NBEAL2: variants seen among roughly 807,000 people sequenced by gnomAD.
The protein encoded by NBEAL2 is neurobeachin like 2, also known as neurobeachin-like protein 2.
NBEAL2 carries 160 observed loss-of-function variants against 299.8 expected under a neutral mutation model. The ratio of observed to expected loss-of-function variants is 0.53; its 90% CI spans 0.47 to 0.61. NBEAL2 has a LOEUF of 0.61. Among genes scored for constraint, NBEAL2 ranks in the 20% least tolerant of loss-of-function variants. NBEAL2 has a pLI of 0.00. For missense variants in NBEAL2, 3,112 were observed against 3,649.0 expected (o/e 0.85, Z 3.79); for synonymous variants, 1,493 against 1,542.3 (o/e 0.97, Z 0.75).
Position 46,998,456 on chromosome 3 carries a change from C to G in NBEAL2, c.3119-7C>G, listed in dbSNP as rs370684446. Reference sequence around the variant, plus strand: ...GTGGCCTGAGCCCTCTGCTCATTCCCGCTCAGGTCACATCCAGTACATGTC... The same window carrying G: ...GTGGCCTGAGCCCTCTGCTCATTCCGGCTCAGGTCACATCCAGTACATGTC... On this transcript the variant is annotated splice_region_variant and splice_polypyrimidine_tract_variant and intron_variant, in intron 21 of 53. Transcript: ENST00000450053. The G allele has an allele frequency of 6.2e-7, 1 of 1,609,976 alleles. No homozygotes were observed. The highest frequency in any genetic ancestry group is 2.2e-5 in the East Asian group (1 of 44,740).
intron 10 of NBEAL2, 98 bp from the exon 11 acceptor site, chr3:46,993,839 C>T (rs1330361769): frequency 1.9e-6 from 2 of 1,057,510 alleles, no homozygotes; most frequent in African/African-American, 1.6e-5. Context: ...ATGCCACATG[C>T]CTTGGGGTGC....
Position 46,991,964 on chromosome 3 carries a change from TG to T in NBEAL2, c.1032+23del. 1 of 1,575,586 alleles carries T rather than the reference TG, an allele frequency of 6.3e-7. No individual in the cohort carries two copies. Among genetic ancestry groups the T allele is most frequent in the South Asian group, 1.2e-5 (1 of 86,154 alleles). ...ACAGCAAGGTGGGTAGGGCCCAGCCTGGGGGTGAGGGTCTGGAAGCCAGAGG... is the reference window on the plus strand; with the variant it reads ...ACAGCAAGGTGGGTAGGGCCCAGCCTGGGGTGAGGGTCTGGAAGCCAGAGG... On this transcript the variant is annotated intron_variant, in intron 9 of 53. Transcript: ENST00000450053. This position sits in a 1 kb window ranked among gnomAD's most constrained non-coding sequence, Gnocchi z 6.2.
At position 47,007,080 on chromosome 3, in the gene NBEAL2, T is replaced by G. The variant is rs2037498666; in HGVS notation, c.7149T>G (p.Gly2383=). The G allele has an allele frequency of 1.2e-6, 2 of 1,611,948 alleles. No individual in the cohort carries two copies. The highest frequency in any genetic ancestry group is 1.7e-6 in the Non-Finnish European group (2 of 1,178,886). ...TGCCCCTGCAGGTTGTCAGTGATGGTGTACCCCTGGTGCTAGCCCTGGTCC... is the reference window on the plus strand; with the variant it reads ...TGCCCCTGCAGGTTGTCAGTGATGGGGTACCCCTGGTGCTAGCCCTGGTCC... ...KAFFAEVVSD[G]VPLVLALVPH... Residue 2383 remains glycine (G), a synonymous_variant, in exon 46 of 54, where the codon GGT becomes GGG. Coordinates refer to ENST00000450053, the MANE Select transcript of NBEAL2 (RefSeq NM_015175.3).
At position 47,009,691 on chromosome 3, in the gene NBEAL2, C is replaced by G. The variant is rs117141426; in HGVS notation, c.*371C>G. 4 of 269,692 alleles carry G rather than the reference C, an allele frequency of 1.5e-5. No homozygotes were observed. The East Asian group carries it at 3.8e-4, about 26-fold the overall frequency. 16.7% of individuals were successfully genotyped at this position (269,692 alleles called of 1,614,324 possible). On this transcript the variant is annotated 3_prime_UTR_variant, in exon 54 of 54. Coordinates refer to ENST00000450053, the MANE Select transcript of NBEAL2 (RefSeq NM_015175.3). ...CTCCCTTCTCGGCAATAAACCAGGC[C>G]TAGTTTTGTAGCTGCTCCGTCTCCG...
In NBEAL2 at chr3:47,004,225, A is replaced by C; in HGVS notation, c.6030A>C (p.Pro2010=). 1.2e-6 allele frequency: 2 copies of C among 1,613,728 alleles called. No individual in the cohort carries two copies. Among genetic ancestry groups the C allele is most frequent in the Non-Finnish European group, 1.7e-6 (2 of 1,179,800 alleles). Residue 2010 remains proline (P), a synonymous_variant, in exon 37 of 54, where the codon CCA becomes CCC. Coordinates refer to ENST00000450053, the MANE Select transcript of NBEAL2 (RefSeq NM_015175.3). This position sits in a 1 kb window ranked among gnomAD's most constrained non-coding sequence, Gnocchi z 5.0. ...TCCCATGCAAGGTGGGCACGACCCCAGTCTCATCTCCTAGCCAGACTCCCA... is the reference window on the plus strand; with the variant it reads ...TCCCATGCAAGGTGGGCACGACCCCCGTCTCATCTCCTAGCCAGACTCCCA... ...LNFPCKVGTT[P]VSSPSQTPRP...
intron 52 of NBEAL2, 138 bp from the exon 53 acceptor site, chr3:47,008,851 A>G (rs2037661150): frequency 6.9e-7 from 1 of 1,452,584 alleles, no homozygotes; most frequent in Non-Finnish European, 9.3e-7. Flanking sequence ...CAGTTGTGGG[A>G]GATTTCTTTG....
Position 47,002,527 on chromosome 3 carries a change from C to T in NBEAL2, c.5301+7C>T. On this transcript the variant is annotated splice_region_variant and intron_variant, in intron 32 of 53. Coordinates refer to ENST00000450053, the MANE Select transcript of NBEAL2 (RefSeq NM_015175.3). The stretch of plus-strand genomic sequence containing the variant: ...GAGTCGTCGGGCCTTCCAGGTGTGC[C>T]ACCCGGGGTAAGGGATGGGAAACTG... 6.2e-7 allele frequency: 1 copy of T among 1,612,138 alleles called. No individual in the cohort carries two copies. The highest frequency in any genetic ancestry group is 8.5e-7 in the Non-Finnish European group (1 of 1,179,508).
rs2036680040 is a variant in NBEAL2 at position 46,998,490 on chromosome 3, T to C, written c.3146T>C (p.Val1049Ala). 3 of 1,613,328 alleles carry C rather than the reference T, an allele frequency of 1.9e-6. No individual in the cohort carries two copies. Among genetic ancestry groups the C allele is most frequent in the Non-Finnish European group, 2.5e-6 (3 of 1,179,738 alleles). The change falls in exon 22 of 54, where the codon GTT (valine) becomes GCT (alanine). Residue 1049 changes from valine to alanine, a missense_variant. Val to Ala is a moderately conservative substitution (Grantham distance 64). Coordinates refer to ENST00000450053, the MANE Select transcript of NBEAL2 (RefSeq NM_015175.3). ...LGHIQYMSSI[V>A]REHRQKLRKK... ...CACATCCAGTACATGTCCAGCATAG[T>C]TCGGGAGCACAGACAGAAGCTGCGG...
Position 47,006,412 on chromosome 3 carries a change from T to C in NBEAL2, c.7097T>C (p.Phe2366Ser), listed in dbSNP as rs930801370. 2 of 1,593,848 alleles carry C rather than the reference T, an allele frequency of 1.3e-6. No individual in the cohort carries two copies. The highest frequency in any genetic ancestry group is 1.7e-6 in the Non-Finnish European group (2 of 1,170,122). ...CTGGACACTAACTCACCTAGCATCTTCCAGCACCTGGACGAACTCAAGGCA... is the reference window on the plus strand; with the variant it reads ...CTGGACACTAACTCACCTAGCATCTCCCAGCACCTGGACGAACTCAAGGCA... ...ARLDTNSPSI[F>S]QHLDELKAFF... Residue 2366 changes from phenylalanine to serine, a missense_variant, in exon 45 of 54, where the codon TTC becomes TCC. By Grantham distance (155) the Phe-to-Ser change is radical. Transcript: ENST00000450053.
In NBEAL2 at chr3:47,004,042, T is replaced by C. The variant is rs774309523; in HGVS notation, c.5882-35T>C. On this transcript the variant is annotated intron_variant, in intron 36 of 53. Coordinates refer to ENST00000450053, the MANE Select transcript of NBEAL2 (RefSeq NM_015175.3). This position sits in a 1 kb window ranked among gnomAD's most constrained non-coding sequence, Gnocchi z 5.0. The stretch of plus-strand genomic sequence containing the variant: ...GGCTGAGCTCTGGGTGGGGCTGGGG[T>C]GAGTGACTCCCGTACCTGCTGTTCC... 5 of 1,605,066 alleles carry C rather than the reference T, an allele frequency of 3.1e-6. No individual in the cohort carries two copies. The highest frequency in any genetic ancestry group is 3.4e-6 in the Non-Finnish European group (4 of 1,173,838).
chr3:46,991,503 T>C lies in NBEAL2; in HGVS notation c.740T>C (p.Val247Ala). The C allele has an allele frequency of 6.2e-7, 1 of 1,611,956 alleles. No homozygotes were observed. Among genetic ancestry groups the C allele is most frequent in the Non-Finnish European group, 8.5e-7 (1 of 1,179,864 alleles). ...SRGPAPDPCL[V>A]PLALEALVGA... ...GGGCCAGCCCCGGACCCGTGCCTAG[T>C]GCCACTGGCTCTAGAGGCACTGGTA... Residue 247 changes from valine to alanine, a missense_variant, in exon 8 of 54, where the codon GTG becomes GCG. By Grantham distance (64) the Val-to-Ala change is moderately conservative. Around this residue, in one of 3 missense-constraint regions of NBEAL2, gnomAD observed 2,243 missense variants for 2,538.1 expected, o/e 0.88. Coordinates refer to ENST00000450053, the MANE Select transcript of NBEAL2 (RefSeq NM_015175.3). The surrounding 1 kb of genome is among the most constrained non-coding windows in gnomAD (Gnocchi z 6.2).
At chr3:46,983,814 C>T (rs1383837209) in intron 1 of NBEAL2, among the ~76,000 whole-genome samples, 2 of 151,970 alleles carry the variant, frequency 1.3e-5, no homozygotes, top group Non-Finnish European at 2.9e-5. Flanking sequence ...AACTGGGGAG[C>T]TGATGGGGAA....
rs1373167824 is a variant in NBEAL2 at position 47,008,910 on chromosome 3, T to C, written c.8028-79T>C. The stretch of plus-strand genomic sequence containing the variant: ...ATCCTTAAAATGAGGACAGAGAGGG[T>C]ATATGGGATAAGGGATATCTGCTGG... On this transcript the variant is annotated intron_variant, in intron 52 of 53. Transcript: ENST00000450053. 6 of 1,560,906 alleles carry C rather than the reference T, an allele frequency of 3.8e-6. No homozygotes were observed. In the African/African-American group the frequency reaches 8.1e-5, roughly 21 times the overall value.
intron 1 of NBEAL2, among the ~76,000 whole-genome samples, chr3:46,983,072 C>T (rs1057496464): frequency 6.6e-6 from 1 of 152,124 alleles, no homozygotes; most frequent in Non-Finnish European, 1.5e-5. Context: ...GAAGGGCACT[C>T]AGGGTCACAA....
rs1470100657 is a variant in NBEAL2 at position 46,989,361 on chromosome 3, C to T, written c.453C>T (p.Thr151=). 2.5e-6 allele frequency: 4 copies of T among 1,581,070 alleles called. No homozygotes were observed. The highest frequency in any genetic ancestry group is 2.6e-6 in the Non-Finnish European group (3 of 1,163,744). Residue 151 remains threonine (T), a synonymous_variant, in exon 5 of 54, where the codon ACC becomes ACT. Transcript: ENST00000450053. This position sits in a 1 kb window ranked among gnomAD's most constrained non-coding sequence, Gnocchi z 5.5. The part of the protein sequence containing the change: ...LCEGLFDPYQ[T]WRRQRSGEVI... ...AGGGCCTCTTTGACCCTTACCAAACCTGGCGGCGCCAGCGCAGTGGGTGAG... is the reference window on the plus strand; with the variant it reads ...AGGGCCTCTTTGACCCTTACCAAACTTGGCGGCGCCAGCGCAGTGGGTGAG...
chr3:46,979,909 G>A lies in NBEAL2; in HGVS notation c.48G>A (p.Ala16=). 2.3e-6 allele frequency: 1 copy of A among 427,106 alleles called. No homozygotes were observed. Among genetic ancestry groups the A allele is most frequent in the Non-Finnish European group, 4.2e-6 (1 of 236,640 alleles). The allele number at this position is 427,106 out of a possible 1,614,324, so 26.5% of individuals were successfully genotyped here. Residue 16 remains alanine (A), a synonymous_variant, in exon 1 of 54, where the codon GCG becomes GCA. Coordinates refer to ENST00000450053, the MANE Select transcript of NBEAL2 (RefSeq NM_015175.3). The part of the protein sequence containing the change: ...RLYELWLLYY[A]QKDLGYLQQW... ...ACGAGTTGTGGCTGCTCTACTACGCGCAGGTGAGCCCGCCCCGCCCCGCGC... is the reference window on the plus strand; with the variant it reads ...ACGAGTTGTGGCTGCTCTACTACGCACAGGTGAGCCCGCCCCGCCCCGCGC...
In NBEAL2 at chr3:46,996,337, A is replaced by G; in HGVS notation, c.2218A>G (p.Thr740Ala). ...RTTTTTTGLP[T>A]PPVPATLAYT... Reference sequence around the variant, plus strand: ...AACGACCACCACCACAGGGCTGCCCACACCACCAGTCCCCGCCACCCTGGC... The same window carrying G: ...AACGACCACCACCACAGGGCTGCCCGCACCACCAGTCCCCGCCACCCTGGC... Residue 740 changes from threonine to alanine, a missense_variant, in exon 16 of 54, where the codon ACA becomes GCA. Thr to Ala is a moderately conservative substitution (Grantham distance 58). Transcript: ENST00000450053. The G allele has an allele frequency of 6.2e-7, 1 of 1,611,942 alleles. No individual in the cohort carries two copies. Among genetic ancestry groups the G allele is most frequent in the South Asian group, 1.1e-5 (1 of 91,080 alleles).
Position 46,991,452 on chromosome 3 carries a change from T to C in NBEAL2, c.689T>C (p.Leu230Pro). Residue 230 changes from leucine (L) to proline (P), a missense_variant, in exon 8 of 54, where the codon CTG (leucine) becomes CCG (proline). By Grantham distance (98) the Leu-to-Pro change is moderately conservative. Transcript: ENST00000450053. This position sits in a 1 kb window ranked among gnomAD's most constrained non-coding sequence, Gnocchi z 6.2. ...AVSDGSVKGLLSVVRGWSRGP... is the reference protein window; with the variant it reads ...AVSDGSVKGLPSVVRGWSRGP... ...AGTGATGGCTCTGTGAAGGGCCTGC[T>C]GAGTGTGGTGCGGGGCTGGAGCCGT... 6.2e-7 allele frequency: 1 copy of C among 1,611,792 alleles called. No individual in the cohort carries two copies. Among genetic ancestry groups the C allele is most frequent in the Non-Finnish European group, 8.5e-7 (1 of 1,178,980 alleles).
intron 16 of NBEAL2, 44 bp from the exon 17 acceptor site, chr3:46,996,707 G>A (rs2036528383): frequency 6.3e-7 from 1 of 1,593,140 alleles, no homozygotes; most frequent in African/African-American, 1.3e-5. Flanking sequence ...ATGGGGTTTG[G>A]CCAGAGGCCT....
Sources: allele counts gnomAD v4.1 joint callset (sites outside exome capture counted in the v4.1 genomes callset), GRCh38; gene constraint gnomAD v4.1.1; regional missense constraint gnomAD v4.1.1; non-coding constraint Gnocchi (gnomAD v3.1); transcripts MANE v1.5; gene names NCBI Gene and HGNC (gene_info 2026-07-23, HGNC 2026-07-21).